Variants in MED17 observed in about 807,000 individuals in gnomAD.
MED17 encodes the protein mediator complex subunit 17, also known as mediator of RNA polymerase II transcription subunit 17.
Under a neutral mutation model 80.8 loss-of-function variants are expected in MED17, and 49 were observed. The ratio of observed to expected loss-of-function variants is 0.61; its 90% CI spans 0.48 to 0.77. The LOEUF (loss-of-function observed/expected upper bound fraction) is 0.77, where lower values mean the gene tolerates loss of function less well. MED17 is among the 30% of genes least tolerant of loss of function. The pLI is 0.00. For missense variants in MED17, 718 were observed against 787.0 expected (o/e 0.91, Z 1.05); for synonymous variants, 281 against 280.4 (o/e 1.00, Z -0.02).
Position 93,796,418 on chromosome 11 carries a change from T to G in MED17, c.1021T>G (p.Leu341Val), listed in dbSNP as rs755533049. The G allele has an allele frequency of 2.5e-6, 4 of 1,612,278 alleles. No individual in the cohort carries two copies. Among genetic ancestry groups the G allele is most frequent in the Non-Finnish European group, 8.5e-7 (1 of 1,178,578 alleles). ...CTTCTTTTTATAAATAGGCTTGCAG[T>G]TATCTATTTCTTTGTGCCATTCCTC... Reference protein sequence around the residue: ...IISQPFPSLQLSISLCHSSND... With the variant: ...IISQPFPSLQVSISLCHSSND... The change falls in exon 7 of 12, where the codon TTA (leucine) becomes GTA (valine). Residue 341 changes from leucine to valine, a missense_variant. By Grantham distance (32) the Leu-to-Val change is conservative (BLOSUM62 1). Coordinates refer to ENST00000251871, the MANE Select transcript of MED17 (RefSeq NM_004268.5).
At position 93,784,408 on chromosome 11, in the gene MED17, C is replaced by G; in HGVS notation, c.-106C>G. 2 of 1,417,934 alleles carry G rather than the reference C, an allele frequency of 1.4e-6. No individual in the cohort carries two copies. The highest frequency in any genetic ancestry group is 1.9e-6 in the Non-Finnish European group (2 of 1,068,226). 87.8% of individuals were successfully genotyped at this position (1,417,934 alleles called of 1,614,324 possible). On this transcript the variant is annotated 5_prime_UTR_variant, in exon 1 of 12. Transcript: ENST00000251871. ...TTCCCGAGGGTCTTCTGAGGCACCG[C>G]GGCTGCGGGCTTCTGAGTTCCCGGC...
intron 8 of MED17, 73 bp downstream of exon 8, chr11:93,797,792 C>CAGA: frequency 7.2e-7 from 1 of 1,396,976 alleles, no homozygotes; most frequent in Non-Finnish European, 1.0e-6. Flanking sequence ...TATTTCATAA[C>CAGA]ACTTTTTTGG....
At chr11:93,796,795 T>C in intron 7 of MED17, 1 of 447,728 alleles carries the variant, frequency 2.2e-6, no homozygotes, top group South Asian at 2.0e-5. Flanking sequence ...GATGCTAAAG[T>C]GCAGAGGGAA....
intron 3 of MED17, among the ~76,000 whole-genome samples, chr11:93,791,682 A>C (rs1209321583): frequency 6.6e-6 from 1 of 151,892 alleles, no homozygotes. Context: ...TTCCAGCCTG[A>C]CCTTGTCTCA....
In MED17 at chr11:93,790,522, TAG is replaced by T. The variant is rs529658738; in HGVS notation, c.418-49_418-48del. On this transcript the variant is annotated intron_variant, in intron 2 of 11. Transcript: ENST00000251871. The stretch of plus-strand genomic sequence containing the variant: ...TTATTATTGATAAAATGTGTAATTT[TAG>T]AGTCATTTAAAAATCCTGCAGAACT... 3.0e-4 allele frequency: 439 copies of T among 1,481,136 alleles called. 2 individuals carry two copies. In the African/African-American group the frequency reaches 5.5e-3, roughly 19 times the overall value. The allele number at this position is 1,481,136 out of a possible 1,614,324, so 91.7% of individuals were successfully genotyped here.
At chr11:93,794,710 TA>T in intron 5 of MED17, 197 bp from the exon 6 acceptor site, 1 of 610,492 alleles carries the variant, frequency 1.6e-6, no homozygotes, top group Non-Finnish European at 2.9e-6. Flanking sequence ...AACTTCTCAA[TA>T]CCCTGCCGGG....
In MED17 at chr11:93,813,625, T is replaced by C. The variant is rs1033182766; in HGVS notation, c.*1561T>C. ...CTTCTCCCATTGCAGATTGATACTT[T>C]GGTAAACTAATAAAAATGAATTCCT... On this transcript the variant is annotated 3_prime_UTR_variant, in exon 12 of 12. Transcript: ENST00000251871. The C allele has an allele frequency of 1.3e-5, 2 of 152,200 alleles. No individual in the cohort carries two copies. The highest frequency in any genetic ancestry group is 1.3e-4 in the Admixed American group (2 of 15,274). The allele number at this position is 152,200 out of a possible 1,614,324, so 9.4% of individuals were successfully genotyped here.
chr11:93,800,105 C>T (rs1027653940), intron 8 of MED17, among the ~76,000 whole-genome samples: 3 of 152,016 alleles, frequency 2.0e-5, no homozygotes, highest in African/African-American at 4.8e-5. Context: ...TAATGGTTCT[C>T]GTAATGCTCA....
chr11:93,784,824 C>T (rs1591380718), intron 1 of MED17, 61 bp downstream of exon 1: 11 of 1,527,456 alleles, frequency 7.2e-6, no homozygotes, highest in East Asian at 4.9e-5. Flanking sequence ...GCGCGGGCCT[C>T]CGCCTCTCCC....
chr11:93,814,262 T>C lies in MED17; in HGVS notation c.*2198T>C, dbSNP rs983907686. 3 of 152,170 alleles carry C rather than the reference T, an allele frequency of 2.0e-5. No individual in the cohort carries two copies. Among genetic ancestry groups the C allele is most frequent in the Non-Finnish European group, 4.4e-5 (3 of 68,038 alleles). The allele number at this position is 152,170 out of a possible 1,614,324, so 9.4% of individuals were successfully genotyped here. A position where few individuals can be genotyped will look rare whatever the true frequency, so the allele number is the denominator to read the frequency against. On this transcript the variant is annotated 3_prime_UTR_variant, in exon 12 of 12. Coordinates refer to ENST00000251871, the MANE Select transcript of MED17 (RefSeq NM_004268.5). ...GAGTAGCCAGTACCGACCTAAAGAA[T>C]TGTAGAAACTAAAGCAAATGTGTGG...
At chr11:93,793,010 T>C (rs947135478) in intron 3 of MED17, among the ~76,000 whole-genome samples, 1 of 151,962 alleles carries the variant, frequency 6.6e-6, no homozygotes, top group East Asian at 1.9e-4. Flanking sequence ...CACTATCCTC[T>C]GTCTTTCTGT....
At chr11:93,809,968 T>G in intron 11 of MED17, 92 bp downstream of exon 11, 1 of 1,286,146 alleles carries the variant, frequency 7.8e-7, no homozygotes, top group Admixed American at 1.7e-5. Flanking sequence ...GAGTAATTTA[T>G]CTCTGCAATA....
intron 9 of MED17, among the ~76,000 whole-genome samples, chr11:93,805,378 T>A (rs1022254866): frequency 6.6e-6 from 1 of 151,680 alleles, no homozygotes; most frequent in Non-Finnish European, 1.5e-5. Flanking sequence ...AGGCCAGGAG[T>A]TCAAGCCCAG....
At chr11:93,791,251 A>G (rs970986409) in intron 3 of MED17, among the ~76,000 whole-genome samples, 1 of 152,238 alleles carries the variant, frequency 6.6e-6, no homozygotes, top group Non-Finnish European at 1.5e-5. Flanking sequence ...GAACCTTATA[A>G]TAAATAGCCT....
chr11:93,788,297 C>T, intron 2 of MED17, 130 bp downstream of exon 2: 1 of 750,666 alleles, frequency 1.3e-6, no homozygotes, highest in Non-Finnish European at 2.2e-6. Flanking sequence ...TAAAGACTAA[C>T]TGGTCTAAAA....
rs1356626742 is a variant in MED17 at position 93,803,832 on chromosome 11, G to T, written c.1466+1860G>T. 2.0e-5 allele frequency among the ~76,000 whole-genome samples: 3 copies of T among 151,994 alleles called. No individual in the cohort carries two copies. The East Asian group carries it at 5.8e-4, about 30-fold the overall frequency. ...TGTAAACTTCCACAAAGAAAGATTA[G>T]TGATGATGTAGCCTTGACAGAATCA... On this transcript the variant is annotated intron_variant, in intron 9 of 11. Transcript: ENST00000251871.
At position 93,812,437 on chromosome 11, in the gene MED17, T is replaced by C. The variant is rs1591393012; in HGVS notation, c.*373T>C. On this transcript the variant is annotated 3_prime_UTR_variant, in exon 12 of 12. Transcript: ENST00000251871. ...AATACCTTTTTTTCCCCCCAAATAC[T>C]TTCTAAACTTTTTTTTTTTGAGATG... 4 of 446,584 alleles carry C rather than the reference T, an allele frequency of 9.0e-6. No homozygotes were observed. In the East Asian group the frequency reaches 1.5e-4, roughly 17 times the overall value. 27.7% of individuals were successfully genotyped at this position (446,584 alleles called of 1,614,324 possible). A position where few individuals can be genotyped will look rare whatever the true frequency, so the allele number is the denominator to read the frequency against.
In MED17 at chr11:93,787,993, C is replaced by G; in HGVS notation, c.251-8C>G. 1.2e-6 allele frequency: 2 copies of G among 1,612,934 alleles called. No homozygotes were observed. The highest frequency in any genetic ancestry group is 1.7e-6 in the Non-Finnish European group (2 of 1,179,120). On this transcript the variant is annotated splice_region_variant and splice_polypyrimidine_tract_variant and intron_variant, in intron 1 of 11. Coordinates refer to ENST00000251871, the MANE Select transcript of MED17 (RefSeq NM_004268.5). Reference sequence around the variant, plus strand: ...CTGTATTTCTTTTTTTTCTCTCTCTCTTTTTAGGAGTGGTAAAATTTCAGC... The same window carrying G: ...CTGTATTTCTTTTTTTTCTCTCTCTGTTTTTAGGAGTGGTAAAATTTCAGC...
chr11:93,808,280 C>T (rs1204735068), intron 10 of MED17: 1 of 151,506 alleles, frequency 6.6e-6, no homozygotes, highest in East Asian at 2.0e-4. Flanking sequence ...GGAGGGTTGC[C>T]TGAGCCTGGG....
Sources: allele counts gnomAD v4.1 joint callset (sites outside exome capture counted in the v4.1 genomes callset), GRCh38; gene constraint gnomAD v4.1.1; transcripts MANE v1.5; gene names NCBI Gene and HGNC (gene_info 2026-07-23, HGNC 2026-07-21).